Variants in PHACTR1 observed in about 807,000 individuals in gnomAD.
The protein encoded by PHACTR1 is RPEL repeat containing 1.
In PHACTR1, 16 loss-of-function variants were observed where a neutral mutation model predicts 69.2. The observed-to-expected ratio is 0.23, with a 90% CI of 0.16 to 0.35. The LOEUF is 0.35. Ranked by LOEUF, PHACTR1 falls within the 10% of genes least tolerant of loss-of-function variation. The probability of loss-of-function intolerance (pLI) is 1.00; values close to 1 mark genes in which losing one functional copy is unlikely to be tolerated. For synonymous variants in PHACTR1, 312 were observed against 284.5 expected, an observed-to-expected ratio of 1.10 and a Z score of -0.97; for missense variants, 510 against 734.7, an observed-to-expected ratio of 0.69 and a Z score of 3.54.
At chr6:12,772,400 G>T (rs985186981) in intron 4 of PHACTR1, among the ~76,000 whole-genome samples, 1 of 152,290 alleles carries the variant, frequency 6.6e-6, no homozygotes, top group Middle Eastern at 3.4e-3. Flanking sequence ...TGTTTCATAA[G>T]GGGAGAGAAC....
rs114783808 is a variant in PHACTR1, at chr6:12,906,974, G to A, written c.251-146391G>A. Among the ~76,000 whole-genome samples the A allele has an allele frequency of 2.9e-3, 444 of 152,248 alleles. 1 individual carries two copies. Among genetic ancestry groups the A allele is most frequent in the African/African-American group, 0.01 (429 of 41,540 alleles). On this transcript the variant is annotated intron_variant, in intron 4 of 14. Coordinates refer to ENST00000332995, the MANE Select transcript of PHACTR1 (RefSeq NM_030948.6). ...GTAGTTCCCTGAGAAAGGAATTGAGGCAGATAAACTAAGAGTTGGCCAATA... is the reference window on the plus strand; with the variant it reads ...GTAGTTCCCTGAGAAAGGAATTGAGACAGATAAACTAAGAGTTGGCCAATA...
intron 4 of PHACTR1, among the ~76,000 whole-genome samples, chr6:13,030,989 A>G (rs564273607): frequency 6.6e-6 from 1 of 152,338 alleles, no homozygotes; most frequent in East Asian, 1.9e-4. Context: ...AGATGCCAGT[A>G]GCAGATGTCC....
At chr6:12,732,308 A>G (rs185802172) in intron 3 of PHACTR1, among the ~76,000 whole-genome samples, 2 of 151,336 alleles carry the variant, frequency 1.3e-5, no homozygotes, top group Non-Finnish European at 2.9e-5. Flanking sequence ...GCACACACAG[A>G]TTTTTTTTGG....
intron 5 of PHACTR1, among the ~76,000 whole-genome samples, chr6:13,153,862 ATGT>A (rs1345584044): frequency 6.6e-6 from 1 of 152,208 alleles, no homozygotes; most frequent in Admixed American, 6.5e-5. Flanking sequence ...TTCAATTTTA[ATGT>A]TGGCCTCCTA....
chr6:12,887,343 T>G (rs1161531112), intron 4 of PHACTR1, among the ~76,000 whole-genome samples: 1 of 152,222 alleles, frequency 6.6e-6, no homozygotes, highest in African/African-American at 2.4e-5. Context: ...ATAACAGGCT[T>G]AATACGTTGC....
chr6:12,749,901 C>T (rs1031063840), intron 4 of PHACTR1, 111 bp downstream of exon 4: 2 of 1,049,192 alleles, frequency 1.9e-6, no homozygotes, highest in African/African-American at 1.6e-5. Context: ...CGCAGTCGGG[C>T]GCTCAGCACT....
chr6:12,743,269 T>C (rs2127588627), intron 3 of PHACTR1, among the ~76,000 whole-genome samples: 1 of 150,958 alleles, frequency 6.6e-6, no homozygotes, highest in East Asian at 2.0e-4. Context: ...TCCTGAAACA[T>C]AATTTTTCTC....
At chr6:12,821,141 C>T (rs1776154035) in intron 4 of PHACTR1, among the ~76,000 whole-genome samples, 1 of 152,052 alleles carries the variant, frequency 6.6e-6, no homozygotes, top group Non-Finnish European at 1.5e-5. Context: ...GTCTTCAATA[C>T]TCAAATATAA....
chr6:12,798,112 T>C (rs1773285590), intron 4 of PHACTR1, among the ~76,000 whole-genome samples: 6 of 149,132 alleles, frequency 4.0e-5, no homozygotes, highest in African/African-American at 1.5e-4. Context: ...GGTTAATTAC[T>C]GTATCTTCAG....
intron 4 of PHACTR1, among the ~76,000 whole-genome samples, chr6:12,793,034 C>T (rs1772531407): frequency 6.6e-6 from 1 of 151,950 alleles, no homozygotes; most frequent in Non-Finnish European, 1.5e-5. Flanking sequence ...CTACATTTTC[C>T]CCCTAAAGAC....
At chr6:12,749,501 C>G (rs1418423225) in intron 3 of PHACTR1, 143 bp from the exon 4 acceptor site, 2 of 664,270 alleles carry the variant, frequency 3.0e-6, no homozygotes, top group African/African-American at 3.7e-5. Flanking sequence ...TCCTTTTTCC[C>G]TCTCTTTCCC....
chr6:12,717,139 G>T (rs534372326), intron 1 of PHACTR1, among the ~76,000 whole-genome samples: 4 of 152,192 alleles, frequency 2.6e-5, no homozygotes, highest in Admixed American at 2.6e-4. Flanking sequence ...AATTATAACA[G>T]GGGAATGTCT....
chr6:12,767,313 C>G (rs1269124035), intron 4 of PHACTR1, among the ~76,000 whole-genome samples: 1 of 152,204 alleles, frequency 6.6e-6, no homozygotes, highest in Non-Finnish European at 1.5e-5. Context: ...CAGCCTTGCT[C>G]TCCTCAGCAC....
chr6:12,736,981 G>A (rs183958021), intron 3 of PHACTR1, among the ~76,000 whole-genome samples: 52 of 151,670 alleles, frequency 3.4e-4, no homozygotes, highest in African/African-American at 8.2e-4. Context: ...TTTTTACACC[G>A]TGTGTGTATA....
intron 4 of PHACTR1, among the ~76,000 whole-genome samples, chr6:12,874,478 T>G (rs1782352698): frequency 6.6e-6 from 1 of 152,220 alleles, no homozygotes; most frequent in African/African-American, 2.4e-5. Context: ...TCTTTCTTCT[T>G]CCTCAAAACA....
chr6:12,888,770 C>T lies in PHACTR1; in HGVS notation c.250+138980C>T, dbSNP rs117508339. 3.8e-4 allele frequency among the ~76,000 whole-genome samples: 58 copies of T among 152,272 alleles called. 1 individual carries two copies. The East Asian group carries it at 0.011, about 28-fold the overall frequency. ...TAACTTGCAATATGTATTTCTCTCT[C>T]ACGTTATATGTGTGCTTGGTGGTCA... On this transcript the variant is annotated intron_variant, in intron 4 of 14. Coordinates refer to ENST00000332995, the MANE Select transcript of PHACTR1 (RefSeq NM_030948.6).
intron 4 of PHACTR1, among the ~76,000 whole-genome samples, chr6:12,855,917 TGGCAAA>T (rs1351011446): frequency 1.3e-5 from 2 of 152,242 alleles, no homozygotes; most frequent in African/African-American, 4.8e-5. Flanking sequence ...GGTTACTTCC[TGGCAAA>T]ATGGCTTAGA....
chr6:12,923,203 G>A (rs186952316), intron 4 of PHACTR1, among the ~76,000 whole-genome samples: 1 of 152,258 alleles, frequency 6.6e-6, no homozygotes, highest in Admixed American at 6.5e-5. Context: ...GAGATGAGAG[G>A]AGACAGGGGT....
chr6:13,043,960 A>T (rs964037586), intron 4 of PHACTR1, among the ~76,000 whole-genome samples: 2 of 152,210 alleles, frequency 1.3e-5, no homozygotes, highest in African/African-American at 4.8e-5. Context: ...TGTAGTCATT[A>T]TATGTGTTAG....
Sources: gnomAD v4.1 joint callset for allele counts (sites outside exome capture counted in the v4.1 genomes callset) on GRCh38, gnomAD v4.1.1 for gene constraint, MANE v1.5 for transcripts, NCBI Gene and HGNC (gene_info 2026-07-23, HGNC 2026-07-21) for gene names.